The following TBXAS1 variants were observed in gnomAD, a reference collection of about 807,000 sequenced individuals.
TBXAS1 encodes the protein thromboxane A synthase 1, also known as thromboxane-A synthase.
Under a neutral mutation model 60.7 loss-of-function variants are expected in TBXAS1, and 48 were observed. The observed-to-expected ratio is 0.79, with a 90% confidence interval of 0.63 to 1.01. TBXAS1 has a LOEUF of 1.01. TBXAS1 is among the 50% of genes least tolerant of loss of function. TBXAS1 has a pLI of 0.00. For synonymous variants in TBXAS1, 287 were observed against 269.7 expected, an observed-to-expected ratio of 1.06 and a Z score of -0.63; for missense variants, 685 against 686.3, an observed-to-expected ratio of 1.00 and a Z score of 0.02.
At chr7:139,869,152 T>C (rs1461570363) in intron 1 of TBXAS1, among the ~76,000 whole-genome samples, 2 of 152,192 alleles carry the variant, frequency 1.3e-5, no homozygotes, top group Non-Finnish European at 2.9e-5. Flanking sequence ...AATTGAGGTG[T>C]CTGCAGGGCT....
At position 140,016,014 on chromosome 7, in the gene TBXAS1, T is replaced by C. The variant is rs112720230; in HGVS notation, c.1364+154T>C. 2.2e-3 allele frequency among the ~76,000 whole-genome samples: 336 copies of C among 152,314 alleles called. 2 individuals are homozygous for C. The highest frequency in any genetic ancestry group is 7.9e-3 in the African/African-American group (327 of 41,554). On this transcript the variant is annotated intron_variant, in intron 11 of 12. Transcript: ENST00000448866. Reference sequence around the variant, plus strand: ...AATTCAGATAGATGTTTGCAAGACATAATTTCCAAAGGAAATAATTATACC... The same window carrying C: ...AATTCAGATAGATGTTTGCAAGACACAATTTCCAAAGGAAATAATTATACC...
chr7:139,918,673 A>G (rs1584852929), intron 4 of TBXAS1, among the ~76,000 whole-genome samples: 1 of 152,214 alleles, frequency 6.6e-6, no homozygotes, highest in South Asian at 2.1e-4. Context: ...AAATGCTGGA[A>G]CTCCGTCAGG....
chr7:139,986,484 A>G (rs1234968137), intron 9 of TBXAS1, among the ~76,000 whole-genome samples: 1 of 151,672 alleles, frequency 6.6e-6, no homozygotes, highest in African/African-American at 2.4e-5. Flanking sequence ...TATATAATGA[A>G]CCCAATTTAT....
chr7:139,995,997 G>A (rs187326828), intron 9 of TBXAS1, among the ~76,000 whole-genome samples: 33 of 152,172 alleles, frequency 2.2e-4, no homozygotes, highest in Admixed American at 7.9e-4. Context: ...ATAATGGCGC[G>A]TCTTCTTCTT....
intron 4 of TBXAS1, among the ~76,000 whole-genome samples, chr7:139,929,449 A>C (rs1163747292): frequency 6.6e-6 from 1 of 152,188 alleles, no homozygotes; most frequent in Non-Finnish European, 1.5e-5. Context: ...TGGCTATGAC[A>C]GAGCATGTAA....
At chr7:139,956,651 C>T (rs999087057) in intron 7 of TBXAS1, among the ~76,000 whole-genome samples, 5 of 152,274 alleles carry the variant, frequency 3.3e-5, no homozygotes, top group Non-Finnish European at 5.9e-5. Context: ...GAGCCCGTCA[C>T]CTCACTGGCT....
At position 139,829,479 on chromosome 7, in the gene TBXAS1, G is replaced by C; in HGVS notation, c.89G>C (p.Trp30Ser). Reference sequence around the variant, plus strand: ...GTGGCTCTCTTGGCCCTCCTGAAATGGTAAGTGCAGCCAGCCCTAGGGACT... The same window carrying C: ...GTGGCTCTCTTGGCCCTCCTGAAATCGTAAGTGCAGCCAGCCCTAGGGACT... The part of the protein sequence containing the change: ...LSVALLALLK[W>S]YSTSAFSRLE... The change falls in exon 1 of 13, where the codon TGG (tryptophan) becomes TCG (serine). Residue 30 changes from tryptophan to serine, a missense_variant and splice_region_variant. Transcript: ENST00000448866. 6.2e-7 allele frequency: 1 copy of C among 1,613,340 alleles called. No individual in the cohort carries two copies. The highest frequency in any genetic ancestry group is 1.1e-5 in the South Asian group (1 of 90,822).
At chr7:139,984,583 C>A (rs1340407946) in intron 9 of TBXAS1, among the ~76,000 whole-genome samples, 1 of 116,764 alleles carries the variant, frequency 8.6e-6, no homozygotes, top group African/African-American at 3.3e-5. Flanking sequence ...CTATTTTGTC[C>A]TAGGGATCAA....
chr7:139,810,722 A>C (rs989296545), intron 4 of TBXAS1, among the ~76,000 whole-genome samples: 1 of 152,206 alleles, frequency 6.6e-6, no homozygotes, highest in South Asian at 2.1e-4. Context: ...ATTATTTTAT[A>C]CTTCACTAGG....
Position 140,020,018 on chromosome 7 carries a change from A to C in TBXAS1, c.1528-7A>C, listed in dbSNP as rs867255661. 10 of 1,612,830 alleles carry C rather than the reference A, an allele frequency of 6.2e-6. 1 individual carries two copies. The Middle Eastern group carries it at 1.3e-3, about 213-fold the overall frequency. On this transcript the variant is annotated splice_region_variant and splice_polypyrimidine_tract_variant and intron_variant, in intron 12 of 12. Transcript: ENST00000448866. The stretch of plus-strand genomic sequence containing the variant: ...TTTGACAAATATTTTAATTTTCTCT[A>C]TTTTAGGTACCGCTGCAGCTAGAAT...
Position 140,020,120 on chromosome 7 carries a change from G to T in TBXAS1, c.*21G>T, listed in dbSNP as rs750052024. On this transcript the variant is annotated 3_prime_UTR_variant, in exon 13 of 13. Coordinates refer to ENST00000448866, the MANE Select transcript of TBXAS1 (RefSeq NM_001061.7). The stretch of plus-strand genomic sequence containing the variant: ...GCTGACACAGAAGGCTGCCGGGTGG[G>T]GGGAGGGCACCCCCAAATTCAAAGA... 3.7e-6 allele frequency: 6 copies of T among 1,610,674 alleles called. No homozygotes were observed. Among genetic ancestry groups the T allele is most frequent in the Non-Finnish European group, 5.1e-6 (6 of 1,177,078 alleles).
At chr7:139,880,442 G>A (rs1802612014) in intron 3 of TBXAS1, among the ~76,000 whole-genome samples, 1 of 152,170 alleles carries the variant, frequency 6.6e-6, no homozygotes, top group Non-Finnish European at 1.5e-5. Flanking sequence ...AGGTAGGTAA[G>A]CATGAACTTT....
chr7:139,854,614 T>G (rs1211330410), intron 1 of TBXAS1, among the ~76,000 whole-genome samples: 1 of 152,108 alleles, frequency 6.6e-6, no homozygotes, highest in African/African-American at 2.4e-5. Flanking sequence ...CAGTGCCAGT[T>G]AGGAGTAAGA....
At chr7:139,826,269 G>A (rs1798435912), upstream of TBXAS1, among the ~76,000 whole-genome samples, 1 of 152,110 alleles carries the variant, frequency 6.6e-6, no homozygotes, top group African/African-American at 2.4e-5. Context: ...CCGATGGAAT[G>A]GGATGAAGGA....
intron 12 of TBXAS1, among the ~76,000 whole-genome samples, chr7:140,018,532 C>T (rs553030653): frequency 4.7e-4 from 71 of 152,194 alleles, no homozygotes; most frequent in South Asian, 8.3e-4. Context: ...TGAAATGGGG[C>T]CTCACCCACT....
chr7:139,885,910 C>T (rs916635261), intron 3 of TBXAS1, among the ~76,000 whole-genome samples: 25 of 152,220 alleles, frequency 1.6e-4, no homozygotes, highest in African/African-American at 5.5e-4. Context: ...CACACACCAC[C>T]GCATACACGT....
chr7:139,942,402 C>G (rs373328371), intron 5 of TBXAS1, among the ~76,000 whole-genome samples: 6 of 152,306 alleles, frequency 3.9e-5, no homozygotes, highest in Admixed American at 2.6e-4. Context: ...TGGTTGGCTA[C>G]TGAGAGAAAT....
intron 1 of TBXAS1, among the ~76,000 whole-genome samples, chr7:139,860,281 C>T (rs1479446673): frequency 1.3e-5 from 2 of 152,134 alleles, no homozygotes; most frequent in African/African-American, 2.4e-5. Flanking sequence ...CCCCCTGCAA[C>T]TGTACCATGT....
intron 9 of TBXAS1, among the ~76,000 whole-genome samples, chr7:139,998,598 G>C (rs1489506560): frequency 6.6e-6 from 1 of 152,192 alleles, no homozygotes; most frequent in Non-Finnish European, 1.5e-5. Flanking sequence ...CTACCTCACA[G>C]TGTGGTTGTG....
Sources: gnomAD v4.1 joint callset for allele counts (sites outside exome capture counted in the v4.1 genomes callset) on GRCh38, gnomAD v4.1.1 for gene constraint, MANE v1.5 for transcripts, NCBI Gene and HGNC (gene_info 2026-07-23, HGNC 2026-07-21) for gene names.